The following CD200R1L variants were observed in gnomAD, a reference collection of about 807,000 sequenced individuals.
The protein encoded by CD200R1L is cell surface glycoprotein CD200 receptor 2.
A neutral mutation model predicts 24.8 loss-of-function variants in CD200R1L; 14 were observed. The observed-to-expected ratio is 0.56, with a 90% CI of 0.37 to 0.88. The LOEUF (loss-of-function observed/expected upper bound fraction) is 0.88, where lower values mean the gene tolerates loss of function less well. Among genes scored for constraint, CD200R1L ranks in the 40% least tolerant of loss-of-function variants. CD200R1L has a pLI of 0.00. For synonymous variants in CD200R1L, 111 were observed against 109.2 expected (o/e 1.02, Z -0.11); for missense variants, 299 against 297.8 (o/e 1.00, Z -0.03).
chr3:112,819,864 G>A lies in CD200R1L; in HGVS notation c.648C>T (p.Ser216=). 6.2e-7 allele frequency: 1 copy of A among 1,609,116 alleles called. No individual in the cohort carries two copies. Among genetic ancestry groups the A allele is most frequent in the Non-Finnish European group, 8.5e-7 (1 of 1,178,370 alleles). Reference sequence around the variant, plus strand: ...GTTTCACATAAAGAATGATCAGTAAGGACAACGCTGGAGATCCTGAGGTTC... The same window carrying A: ...GTTTCACATAAAGAATGATCAGTAAAGACAACGCTGGAGATCCTGAGGTTC... The part of the protein sequence containing the change: ...GLRTSGSPAL[S]LLIILYVKLS... Residue 216 remains serine (S), a synonymous_variant, in exon 7 of 8, where the codon TCC becomes TCT. Coordinates refer to ENST00000488794, the MANE Select transcript of CD200R1L (RefSeq NM_001199215.3).
chr3:112,824,688 A>G (rs1330791997), intron 6 of CD200R1L, among the ~76,000 whole-genome samples: 1 of 152,252 alleles, frequency 6.6e-6, no homozygotes, highest in Non-Finnish European at 1.5e-5. Flanking sequence ...CGCATCAGAA[A>G]GGAGCATTGT....
intron 2 of CD200R1L, chr3:112,841,344 C>A: frequency 2.3e-6 from 1 of 432,608 alleles, no homozygotes. Flanking sequence ...TCCTGTACAG[C>A]CTGTGGAACA....
chr3:112,835,347 T>C (rs1040449898), intron 3 of CD200R1L, among the ~76,000 whole-genome samples: 1 of 152,088 alleles, frequency 6.6e-6, no homozygotes, highest in Non-Finnish European at 1.5e-5. Context: ...GAGTGTTCAG[T>C]TCCTAGCAGA....
At chr3:112,818,567 G>T (rs188554498) in intron 7 of CD200R1L, among the ~76,000 whole-genome samples, 11 of 152,370 alleles carry the variant, frequency 7.2e-5, no homozygotes, top group Admixed American at 6.5e-4. Flanking sequence ...GCTACTAGCT[G>T]ACTTGCAGAC....
intron 4 of CD200R1L, among the ~76,000 whole-genome samples, chr3:112,828,082 A>G (rs1019302150): frequency 6.6e-6 from 1 of 152,224 alleles, no homozygotes; most frequent in African/African-American, 2.4e-5. Flanking sequence ...TTATCATACA[A>G]TTCATGTGCC....
chr3:112,825,419 A>T (rs1938635433), intron 6 of CD200R1L, among the ~76,000 whole-genome samples: 1 of 148,654 alleles, frequency 6.7e-6, no homozygotes, highest in African/African-American at 2.4e-5. Context: ...ATATAAAATT[A>T]TATATTATTA....
At chr3:112,816,035 G>T (rs887728278) in intron 7 of CD200R1L, 60 bp from the exon 8 acceptor site, 1 of 766,870 alleles carries the variant, frequency 1.3e-6, no homozygotes, top group South Asian at 1.4e-5. Flanking sequence ...ATGCAAGTGG[G>T]CATACTCAGC....
chr3:112,842,433 G>A (rs1939104071), intron 2 of CD200R1L, among the ~76,000 whole-genome samples: 1 of 152,170 alleles, frequency 6.6e-6, no homozygotes, highest in Admixed American at 6.5e-5. Context: ...TGATAATTGT[G>A]TTAACTGTAC....
chr3:112,824,962 G>A (rs906495718), intron 6 of CD200R1L, among the ~76,000 whole-genome samples: 3 of 152,192 alleles, frequency 2.0e-5, no homozygotes, highest in African/African-American at 7.2e-5. Context: ...GTAAGGCCGG[G>A]CACGGTGGCT....
At chr3:112,842,211 C>A (rs934916705) in intron 2 of CD200R1L, among the ~76,000 whole-genome samples, 1 of 152,208 alleles carries the variant, frequency 6.6e-6, no homozygotes, top group Non-Finnish European at 1.5e-5. Flanking sequence ...AAAAGAATCT[C>A]AGGCTACAGG....
intron 6 of CD200R1L, among the ~76,000 whole-genome samples, chr3:112,825,122 C>T (rs376958790): frequency 1.5e-4 from 23 of 151,886 alleles, no homozygotes; most frequent in African/African-American, 4.6e-4. Context: ...GCCTGTAGTC[C>T]CAGCTACTCG....
At chr3:112,831,580 G>T (rs1056194032) in intron 3 of CD200R1L, among the ~76,000 whole-genome samples, 1 of 152,294 alleles carries the variant, frequency 6.6e-6, no homozygotes, top group East Asian at 1.9e-4. Context: ...TCATACTTGA[G>T]CGGCATGAGC....
intron 1 of CD200R1L, among the ~76,000 whole-genome samples, 172 bp downstream of exon 1, chr3:112,846,453 G>A (rs971839598): frequency 2.0e-5 from 3 of 152,126 alleles, no homozygotes; most frequent in African/African-American, 7.2e-5. Flanking sequence ...TTCTTGTTTT[G>A]TACATAATTT....
chr3:112,843,701 T>C (rs983771097), intron 2 of CD200R1L, among the ~76,000 whole-genome samples: 4 of 152,122 alleles, frequency 2.6e-5, no homozygotes, highest in African/African-American at 7.2e-5. Flanking sequence ...ACTTCACATA[T>C]CAATATTAAT....
chr3:112,834,544 G>A (rs748623432), intron 3 of CD200R1L, among the ~76,000 whole-genome samples: 29 of 152,178 alleles, frequency 1.9e-4, no homozygotes, highest in Non-Finnish European at 4.0e-4. Context: ...GGTAATTTAA[G>A]CCTGATCATC....
At chr3:112,838,201 G>A (rs1349950851) in intron 2 of CD200R1L, among the ~76,000 whole-genome samples, 191 bp from the exon 3 acceptor site, 1 of 146,220 alleles carries the variant, frequency 6.8e-6, no homozygotes, top group Non-Finnish European at 1.5e-5. Context: ...CTAGATAAAT[G>A]CACGTATGTC....
chr3:112,830,498 G>GTTTTTTTTTTTTTTTTTTTTTTTTTTTTT (rs11391916), intron 3 of CD200R1L, among the ~76,000 whole-genome samples: 1 of 102,034 alleles, frequency 9.8e-6, no homozygotes, highest in African/African-American at 3.9e-5. Context: ...TGTCATTGCA[G>GTTTTTTTTTTTTTTTTTTTTTTTTTTTTT]TTTTTTTTTT....
intron 6 of CD200R1L, among the ~76,000 whole-genome samples, chr3:112,823,291 A>G (rs1361366548): frequency 6.6e-6 from 1 of 152,234 alleles, no homozygotes; most frequent in Non-Finnish European, 1.5e-5. Flanking sequence ...TCAGGTTGAC[A>G]TGAGTTCTGT....
chr3:112,831,580 G>A (rs1056194032), intron 3 of CD200R1L, among the ~76,000 whole-genome samples: 2 of 152,176 alleles, frequency 1.3e-5, no homozygotes, highest in Non-Finnish European at 2.9e-5. Context: ...TCATACTTGA[G>A]CGGCATGAGC....
Sources: gnomAD v4.1 joint callset for allele counts (sites outside exome capture counted in the v4.1 genomes callset) on GRCh38, gnomAD v4.1.1 for gene constraint, MANE v1.5 for transcripts, NCBI Gene and HGNC (gene_info 2026-07-23, HGNC 2026-07-21) for gene names.